The following CNTN4 variants were observed in gnomAD, a reference collection of about 807,000 sequenced individuals.
CNTN4 encodes the protein contactin 4, also known as contactin-4.
Under a neutral mutation model 122.5 loss-of-function variants are expected in CNTN4, and 77 were observed. The ratio of observed to expected loss-of-function variants is 0.63; its 90% confidence interval spans 0.52 to 0.76. CNTN4 has a LOEUF of 0.76. Among genes scored for constraint, CNTN4 ranks in the 30% least tolerant of loss-of-function variants. CNTN4 has a pLI of 0.00. For missense variants in CNTN4, 1,256 were observed against 1,259.1 expected, an observed-to-expected ratio of 1.00 and a Z score of 0.04; for synonymous variants, 512 against 447.0, an observed-to-expected ratio of 1.15 and a Z score of -1.83.
At chr3:2,698,894 G>A (rs568445494) in intron 4 of CNTN4, among the ~76,000 whole-genome samples, 2 of 152,080 alleles carry the variant, frequency 1.3e-5, no homozygotes, top group Admixed American at 6.6e-5. Context: ...GTGGTGGCAG[G>A]CTCCTGTAAT....
chr3:3,030,892 A>C lies in CNTN4; in HGVS notation c.1700A>C (p.Gln567Pro). 1 of 1,614,100 alleles carries C rather than the reference A, an allele frequency of 6.2e-7. No homozygotes were observed. Among genetic ancestry groups the C allele is most frequent in the Non-Finnish European group, 8.5e-7 (1 of 1,179,942 alleles). Residue 567 changes from glutamine (Q) to proline (P), a missense_variant, in exon 16 of 25, where the codon CAA becomes CCA. Gln to Pro is a moderately conservative substitution (Grantham distance 76). Coordinates refer to ENST00000418658, the MANE Select transcript of CNTN4 (RefSeq NM_175607.3). ...GGTGATTTGATGATCCGAAACATCC[A>C]ACTGAAGCATGCTGGGAAATATGTC... ...SAGDLMIRNIQLKHAGKYVCM... is the reference protein window; with the variant it reads ...SAGDLMIRNIPLKHAGKYVCM...
intron 2 of CNTN4, among the ~76,000 whole-genome samples, chr3:2,255,460 A>T (rs2040544067): frequency 6.6e-6 from 1 of 152,088 alleles, no homozygotes; most frequent in Non-Finnish European, 1.5e-5. Context: ...AGAACTCTCC[A>T]CCCCAAATCC....
At chr3:2,607,709 A>C (rs1427411079) in intron 4 of CNTN4, among the ~76,000 whole-genome samples, 2 of 151,342 alleles carry the variant, frequency 1.3e-5, no homozygotes, top group Non-Finnish European at 3.0e-5. Flanking sequence ...AGCAGGTAGA[A>C]GAGAGAAAGG....
chr3:2,586,546 C>T lies in CNTN4; in HGVS notation c.55+14988C>T, dbSNP rs548311868. 1.4e-4 allele frequency among the ~76,000 whole-genome samples: 21 copies of T among 152,312 alleles called. No homozygotes were observed. In the South Asian group the frequency reaches 4.4e-3, roughly 32 times the overall value. The stretch of plus-strand genomic sequence containing the variant: ...GATCTCGTGATCTGCCCGCCTCAGC[C>T]TCCCAAAGTGCTGGGATTACAGGCG... On this transcript the variant is annotated intron_variant, in intron 4 of 24. Transcript: ENST00000418658.
chr3:2,242,313 C>G (rs887847298), intron 2 of CNTN4, among the ~76,000 whole-genome samples: 1 of 152,040 alleles, frequency 6.6e-6, no homozygotes, highest in African/African-American at 2.4e-5. Context: ...CGTGTTTCAT[C>G]TGATTTGGTC....
At chr3:2,687,951 G>T (rs1197964300) in intron 4 of CNTN4, among the ~76,000 whole-genome samples, 1 of 152,132 alleles carries the variant, frequency 6.6e-6, no homozygotes, top group Non-Finnish European at 1.5e-5. Context: ...TAGAACTCAG[G>T]TCACACTGTT....
intron 2 of CNTN4, among the ~76,000 whole-genome samples, chr3:2,197,137 G>A (rs535950034): frequency 6.6e-6 from 1 of 151,612 alleles, no homozygotes; most frequent in South Asian, 2.1e-4. Context: ...CTTTCTTGAA[G>A]TTATAGCGAC....
At chr3:2,181,441 A>G (rs1405723154) in intron 2 of CNTN4, among the ~76,000 whole-genome samples, 1 of 152,094 alleles carries the variant, frequency 6.6e-6, no homozygotes, top group African/African-American at 2.4e-5. Context: ...AGTAGAACGT[A>G]TCAAACGCCA....
At chr3:2,816,247 G>T (rs1032271739) in intron 6 of CNTN4, among the ~76,000 whole-genome samples, 1 of 148,088 alleles carries the variant, frequency 6.8e-6, no homozygotes, top group South Asian at 2.1e-4. Flanking sequence ...CCAGCTACTC[G>T]GGAGGCTGAG....
chr3:3,017,672 T>C (rs961583349), intron 14 of CNTN4, among the ~76,000 whole-genome samples: 9 of 152,172 alleles, frequency 5.9e-5, no homozygotes, highest in Non-Finnish European at 1.0e-4. Context: ...TATTTTGCTA[T>C]GCCGTGAAGT....
intron 10 of CNTN4, among the ~76,000 whole-genome samples, chr3:2,898,649 C>A (rs1239137976): frequency 6.6e-6 from 1 of 152,214 alleles, no homozygotes; most frequent in African/African-American, 2.4e-5. Context: ...TGAAATCTCT[C>A]TCTCTGCATG....
At chr3:2,668,789 G>T (rs910840930) in intron 4 of CNTN4, among the ~76,000 whole-genome samples, 7 of 152,152 alleles carry the variant, frequency 4.6e-5, no homozygotes, top group Non-Finnish European at 1.0e-4. Context: ...TTTATTGAGA[G>T]TTTTTAGCAT....
At chr3:2,298,654 A>G (rs188505798) in intron 2 of CNTN4, among the ~76,000 whole-genome samples, 63 of 152,310 alleles carry the variant, frequency 4.1e-4, no homozygotes, top group Non-Finnish European at 6.5e-4. Context: ...AGGAAAAATC[A>G]TATAGCTACA....
chr3:2,444,731 T>TTGGCTGGC (rs529016308), intron 3 of CNTN4, among the ~76,000 whole-genome samples: 9 of 151,708 alleles, frequency 5.9e-5, no homozygotes, highest in Non-Finnish European at 1.2e-4. Flanking sequence ...TGAATAAATA[T>TTGGCTGGC]TGGCTGGCTG....
At chr3:2,242,625 G>T (rs2039986500) in intron 2 of CNTN4, among the ~76,000 whole-genome samples, 1 of 152,064 alleles carries the variant, frequency 6.6e-6, no homozygotes, top group African/African-American at 2.4e-5. Context: ...TAAGAAAATT[G>T]TCCTTGAATA....
At chr3:2,311,060 A>G (rs905643884) in intron 2 of CNTN4, among the ~76,000 whole-genome samples, 8 of 152,116 alleles carry the variant, frequency 5.3e-5, no homozygotes, top group African/African-American at 1.9e-4. Context: ...GAATGAAAAT[A>G]TCCGAATCAG....
chr3:3,002,532 T>G (rs1696154894), intron 14 of CNTN4, among the ~76,000 whole-genome samples: 2 of 152,172 alleles, frequency 1.3e-5, no homozygotes, highest in Admixed American at 6.5e-5. Flanking sequence ...GACCTACTTT[T>G]TCTACAATTT....
At chr3:2,334,729 C>G (rs2043875100) in intron 2 of CNTN4, among the ~76,000 whole-genome samples, 1 of 152,182 alleles carries the variant, frequency 6.6e-6, no homozygotes, top group Admixed American at 6.5e-5. Context: ...CCAGGTCTGA[C>G]TCTAACAGGC....
At chr3:2,280,480 T>TAATG (rs2149891339) in intron 2 of CNTN4, among the ~76,000 whole-genome samples, 1 of 152,206 alleles carries the variant, frequency 6.6e-6, no homozygotes, top group Admixed American at 6.5e-5. Flanking sequence ...AAATGAAGAG[T>TAATG]AATGTTTCTT....
Sources: allele counts gnomAD v4.1 joint callset (sites outside exome capture counted in the v4.1 genomes callset), GRCh38; gene constraint gnomAD v4.1.1; transcripts MANE v1.5; gene names NCBI Gene and HGNC (gene_info 2026-07-23, HGNC 2026-07-21).